Variants in TDRD9 observed in about 807,000 individuals in gnomAD.
TDRD9 encodes ATP-dependent RNA helicase TDRD9.
In TDRD9, 124 loss-of-function variants were observed where a neutral mutation model predicts 172.6. The observed-to-expected ratio is 0.72, with a 90% CI of 0.62 to 0.83. The LOEUF (loss-of-function observed/expected upper bound fraction) is 0.83. Among genes scored for constraint, TDRD9 ranks in the 40% least tolerant of loss-of-function variants. TDRD9 has a pLI of 0.00. For synonymous variants in TDRD9, 619 were observed against 617.1 expected, an observed-to-expected ratio of 1.00 and a Z score of -0.05; for missense variants, 1,479 against 1,714.1, an observed-to-expected ratio of 0.86 and a Z score of 2.42.
intron 9 of TDRD9, among the ~76,000 whole-genome samples, chr14:103,993,373 T>C (rs904614831): frequency 2.0e-5 from 3 of 152,206 alleles, no homozygotes; most frequent in African/African-American, 7.2e-5. Context: ...TACTGTCCTT[T>C]TAATATGTTC....
intron 19 of TDRD9, among the ~76,000 whole-genome samples, chr14:104,008,211 T>C (rs1003643863): frequency 3.9e-4 from 59 of 152,304 alleles, no homozygotes; most frequent in African/African-American, 1.3e-3. Context: ...AGTTTCTGTA[T>C]TGTGTTTATG....
At chr14:103,947,587 A>G (rs1237983732) in intron 1 of TDRD9, among the ~76,000 whole-genome samples, 1 of 152,154 alleles carries the variant, frequency 6.6e-6, no homozygotes, top group Admixed American at 6.5e-5. Flanking sequence ...TTGGCCTCCC[A>G]AAGTGCTGGG....
chr14:103,936,456 T>C (rs529257303), intron 1 of TDRD9, among the ~76,000 whole-genome samples: 2 of 152,310 alleles, frequency 1.3e-5, no homozygotes, highest in South Asian at 4.1e-4. Context: ...TGGTGAGAGT[T>C]GCTTCCTCAT....
intron 1 of TDRD9, among the ~76,000 whole-genome samples, chr14:103,939,628 A>G (rs1011822496): frequency 8.5e-6 from 1 of 118,138 alleles, no homozygotes; most frequent in Non-Finnish European, 1.8e-5. Flanking sequence ...GGTCAGTTGA[A>G]AATGGTACAC....
At chr14:103,989,134 T>C (rs1436666441) in intron 8 of TDRD9, among the ~76,000 whole-genome samples, 1 of 152,218 alleles carries the variant, frequency 6.6e-6, no homozygotes, top group Non-Finnish European at 1.5e-5. Flanking sequence ...ACAGGAATCT[T>C]GATCGACAGT....
intron 1 of TDRD9, among the ~76,000 whole-genome samples, chr14:103,952,092 AAGT>A (rs1459085086): frequency 6.7e-6 from 1 of 148,730 alleles, no homozygotes; most frequent in Non-Finnish European, 1.5e-5. Context: ...TTTTTAAAAA[AAGT>A]AGTTAAGATG....
intron 1 of TDRD9, chr14:103,939,997 CTTGGACTTAACT>C (rs1451433207): frequency 6.0e-5 from 9 of 151,118 alleles, no homozygotes; most frequent in Non-Finnish European, 1.5e-5. Flanking sequence ...AATTAGGTTC[CTTGGACTTAACT>C]TTAAGAATGA....
At chr14:103,971,045 G>A (rs2033001104) in intron 6 of TDRD9, among the ~76,000 whole-genome samples, 4 of 151,660 alleles carry the variant, frequency 2.6e-5, no homozygotes, top group African/African-American at 7.3e-5. Flanking sequence ...GTGCAGTGGC[G>A]TGATCTCGGC....
At chr14:104,039,165 A>C (rs2035538211) in intron 32 of TDRD9, among the ~76,000 whole-genome samples, 1 of 152,198 alleles carries the variant, frequency 6.6e-6, no homozygotes, top group Non-Finnish European at 1.5e-5. Flanking sequence ...AAAGGGGGAA[A>C]AGAAAAGCCC....
intron 9 of TDRD9, among the ~76,000 whole-genome samples, chr14:103,994,035 T>C (rs1186906558): frequency 2.0e-5 from 3 of 152,132 alleles, no homozygotes; most frequent in African/African-American, 4.8e-5. Context: ...ATTTAGAAAA[T>C]CTGGGGGTAA....
At chr14:104,025,870 T>A in intron 26 of TDRD9, 94 bp downstream of exon 26, 1 of 1,190,444 alleles carries the variant, frequency 8.4e-7, no homozygotes, top group Non-Finnish European at 1.2e-6. Flanking sequence ...AGGTGGAAAT[T>A]AAAATAATTG....
chr14:103,943,094 T>C (rs1169929197), intron 1 of TDRD9, among the ~76,000 whole-genome samples: 9 of 151,992 alleles, frequency 5.9e-5, no homozygotes, highest in Non-Finnish European at 8.8e-5. Context: ...TAGGTGCATA[T>C]TGGTTTGTAA....
At chr14:103,977,630 CT>C (rs766681794) in intron 7 of TDRD9, among the ~76,000 whole-genome samples, 3,547 of 114,302 alleles carry the variant, frequency 0.031, 68 homozygotes, top group African/African-American at 0.079. Flanking sequence ...TGATTTCTTT[CT>C]TTTTTTTTTT....
chr14:103,972,584 G>C (rs1435412691), intron 6 of TDRD9, among the ~76,000 whole-genome samples: 1 of 152,222 alleles, frequency 6.6e-6, no homozygotes, highest in Non-Finnish European at 1.5e-5. Flanking sequence ...TAACCCAGCT[G>C]TGCTAAGCAG....
chr14:104,029,602 GATC>G (rs1227383308), intron 28 of TDRD9, among the ~76,000 whole-genome samples: 1 of 152,048 alleles, frequency 6.6e-6, no homozygotes, highest in Non-Finnish European at 1.5e-5. Context: ...CTATATATAA[GATC>G]ATGTTATCTG....
At chr14:103,978,214 T>C (rs1204813269) in intron 7 of TDRD9, among the ~76,000 whole-genome samples, 1 of 152,124 alleles carries the variant, frequency 6.6e-6, no homozygotes, top group African/African-American at 2.4e-5. Context: ...AAGAATGTCA[T>C]TGGTATTTTG....
chr14:104,031,096 T>C lies in TDRD9; in HGVS notation c.3283-12T>C. 6.5e-7 allele frequency: 1 copy of C among 1,539,602 alleles called. No individual in the cohort carries two copies. Among genetic ancestry groups the C allele is most frequent in the Non-Finnish European group, 8.7e-7 (1 of 1,144,388 alleles). On this transcript the variant is annotated splice_polypyrimidine_tract_variant and intron_variant, in intron 28 of 35. Transcript: ENST00000409874. ...TTTCTTTTAACAAAACAAACTTTTC[T>C]TGTTTGTTCAGCAAAGCCATGAAGT...
chr14:103,991,436 T>C (rs2033861728), intron 9 of TDRD9, among the ~76,000 whole-genome samples: 1 of 152,094 alleles, frequency 6.6e-6, no homozygotes, highest in Non-Finnish European at 1.5e-5. Flanking sequence ...TTTTTCTAGA[T>C]GGAGTCTTGC....
chr14:103,995,088 T>G (rs1177120854), intron 11 of TDRD9, among the ~76,000 whole-genome samples: 1 of 152,260 alleles, frequency 6.6e-6, no homozygotes, highest in East Asian at 1.9e-4. Context: ...ATCAGTTTGC[T>G]AAAAAGCTAA....
Sources: gnomAD v4.1 joint callset for allele counts (sites outside exome capture counted in the v4.1 genomes callset) on GRCh38, gnomAD v4.1.1 for gene constraint, MANE v1.5 for transcripts, NCBI Gene and HGNC (gene_info 2026-07-23, HGNC 2026-07-21) for gene names.